DCDC2C: variants seen among roughly 807,000 people sequenced by gnomAD.
The protein encoded by DCDC2C is doublecortin domain containing 2C, also known as doublecortin domain-containing protein 2C.
DCDC2C carries 44 observed loss-of-function variants against 45.0 expected under a neutral mutation model. The ratio of observed to expected loss-of-function variants is 0.98; its 90% CI spans 0.77 to 1.26. The LOEUF is 1.26. Ranked by LOEUF, DCDC2C falls within the 50% of genes most tolerant of loss-of-function variation. DCDC2C has a pLI of 0.00. For missense variants in DCDC2C, 447 were observed against 468.9 expected (o/e 0.95, Z 0.43); for synonymous variants, 187 against 178.8 (o/e 1.05, Z -0.37).
At chr2:3,798,264 C>T (rs59255374) in intron 10 of DCDC2C, among the ~76,000 whole-genome samples, 56,775 of 151,534 alleles carry the variant, frequency 0.37, 11,493 homozygotes, top group East Asian at 0.52. Context: ...CTATGTGTGT[C>T]TCTGCACGTG....
intron 10 of DCDC2C, among the ~76,000 whole-genome samples, chr2:3,801,742 G>A (rs955475275): frequency 2.6e-5 from 4 of 152,198 alleles, no homozygotes; most frequent in African/African-American, 7.2e-5. Flanking sequence ...AGACTCCTCC[G>A]AGGCTGAGAT....
intron 10 of DCDC2C, among the ~76,000 whole-genome samples, chr2:3,842,722 G>T (rs1351632668): frequency 6.6e-6 from 1 of 151,902 alleles, no homozygotes; most frequent in African/African-American, 2.4e-5. Flanking sequence ...GCCTACTGTG[G>T]ATTGGAGGCT....
intron 10 of DCDC2C, among the ~76,000 whole-genome samples, chr2:3,808,171 A>G (rs1671301892): frequency 6.6e-6 from 1 of 152,180 alleles, no homozygotes; most frequent in South Asian, 2.1e-4. Context: ...GTTTCAGGTG[A>G]TCTGCAGCCT....
chr2:3,826,055 A>G (rs533386820), intron 10 of DCDC2C, among the ~76,000 whole-genome samples: 38 of 152,348 alleles, frequency 2.5e-4, no homozygotes, highest in African/African-American at 8.7e-4. Context: ...CACACCACAA[A>G]GAAAAAAGAT....
intron 3 of DCDC2C, among the ~76,000 whole-genome samples, chr2:3,733,306 C>A (rs357953): frequency 0.34 from 50,996 of 152,136 alleles, 8,972 homozygotes; most frequent in South Asian, 0.6. Context: ...CTTGGTCCAG[C>A]TAAAAGCTAA....
intron 6 of DCDC2C, among the ~76,000 whole-genome samples, chr2:3,756,719 G>A (rs1669727921): frequency 6.6e-6 from 1 of 152,202 alleles, no homozygotes; most frequent in South Asian, 2.1e-4. Context: ...TTTAAAAAAT[G>A]TTTTTCTGAA....
chr2:3,834,589 T>C (rs1672030744), intron 10 of DCDC2C, among the ~76,000 whole-genome samples: 2 of 152,200 alleles, frequency 1.3e-5, no homozygotes, highest in Non-Finnish European at 2.9e-5. Context: ...TCACTTGCAT[T>C]GCACATGAGG....
chr2:3,720,401 T>C (rs7558456), intron 2 of DCDC2C, among the ~76,000 whole-genome samples: 52,017 of 152,076 alleles, frequency 0.34, 9,481 homozygotes, highest in African/African-American at 0.47. Context: ...GAGCCACATT[T>C]GGACACCTGC....
chr2:3,771,884 C>T (rs77074521), intron 8 of DCDC2C, among the ~76,000 whole-genome samples: 15,434 of 152,268 alleles, frequency 0.1, 1,070 homozygotes, highest in East Asian at 0.3. Context: ...ATATCCGTGT[C>T]GTGAGAACTT....
chr2:3,735,635 G>A (rs1669003228), intron 3 of DCDC2C, among the ~76,000 whole-genome samples: 1 of 152,142 alleles, frequency 6.6e-6, no homozygotes, highest in African/African-American at 2.4e-5. Flanking sequence ...AGGCATAACG[G>A]TCCAGGAATA....
intron 10 of DCDC2C, among the ~76,000 whole-genome samples, chr2:3,831,805 C>G (rs55903821): frequency 0.086 from 13,152 of 152,248 alleles, 1,000 homozygotes; most frequent in East Asian, 0.43. Context: ...CTCCGCCTCT[C>G]TGAATGTTAT....
At chr2:3,819,875 G>T (rs1034386668) in intron 10 of DCDC2C, among the ~76,000 whole-genome samples, 1 of 152,194 alleles carries the variant, frequency 6.6e-6, no homozygotes, top group Non-Finnish European at 1.5e-5. Context: ...GCCAGACTGG[G>T]TGTGAGAAGG....
chr2:3,736,454 C>T (rs921461798), intron 3 of DCDC2C, among the ~76,000 whole-genome samples: 4 of 152,126 alleles, frequency 2.6e-5, no homozygotes, highest in African/African-American at 9.7e-5. Flanking sequence ...GGTGGAGTCC[C>T]CTTCAGGTTG....
In DCDC2C at chr2:3,767,750, G is replaced by T. The variant is rs200002347; in HGVS notation, c.727-4G>T. The T allele has an allele frequency of 2.2e-5, 34 of 1,550,386 alleles. No individual in the cohort carries two copies. The highest frequency in any genetic ancestry group is 2.7e-5 in the African/African-American group (2 of 72,974). On this transcript the variant is annotated splice_region_variant and splice_polypyrimidine_tract_variant and intron_variant, in intron 6 of 10. Transcript: ENST00000399143. ...GGACTTTCTCTTCTTCATTTGTCCT[G>T]TAGGTGGACTCCAAAGGAAAAGAAC...
At chr2:3,706,839 T>A (rs1228069880) in intron 1 of DCDC2C, among the ~76,000 whole-genome samples, 3 of 152,214 alleles carry the variant, frequency 2.0e-5, no homozygotes, top group Admixed American at 2.0e-4. Context: ...ACTGGTGGAA[T>A]TTAATCCTGG....
intron 10 of DCDC2C, among the ~76,000 whole-genome samples, chr2:3,829,616 A>C (rs1162205477): frequency 3.9e-5 from 6 of 152,186 alleles, no homozygotes; most frequent in Admixed American, 2.0e-4. Context: ...AGCCTGCTCC[A>C]AGCAAAATTA....
In DCDC2C at chr2:3,725,816, T is replaced by TG. The variant is rs1558565140; in HGVS notation, c.340-1186dup. On this transcript the variant is annotated intron_variant, in intron 2 of 10. Coordinates refer to ENST00000399143, the MANE Select transcript of DCDC2C (RefSeq NM_001287444.2). ...GGAGATGAGTAGAGAGTGATAAGGCTGCTCGGTGGATCCCAGAGGGAGATG... is the reference window on the plus strand; with the variant it reads ...GGAGATGAGTAGAGAGTGATAAGGCTGGCTCGGTGGATCCCAGAGGGAGATG... The TG allele has an allele frequency of 1.1e-3, 195 of 181,508 alleles. 2 individuals are homozygous for TG. Among genetic ancestry groups the TG allele is most frequent in the South Asian group, 1.5e-3 (14 of 9,318 alleles). 11.2% of individuals were successfully genotyped at this position (181,508 alleles called of 1,614,324 possible). A position where few individuals can be genotyped will look rare whatever the true frequency, so the allele number is the denominator to read the frequency against.
At chr2:3,813,065 ATATTTTTTTTT>A (rs1180571512) in intron 10 of DCDC2C, among the ~76,000 whole-genome samples, 22 of 28,810 alleles carry the variant, frequency 7.6e-4, no homozygotes, top group Middle Eastern at 0.022. Flanking sequence ...ATATATATAT[ATATTTTTTTTT>A]TTTTGCTGTT....
intron 10 of DCDC2C, among the ~76,000 whole-genome samples, chr2:3,815,694 G>T (rs949036423): frequency 6.6e-6 from 1 of 152,202 alleles, no homozygotes; most frequent in African/African-American, 2.4e-5. Context: ...ATTTGGGTAG[G>T]TAGTGGAAAA....
Sources: gnomAD v4.1 joint callset for allele counts (sites outside exome capture counted in the v4.1 genomes callset) on GRCh38, gnomAD v4.1.1 for gene constraint, MANE v1.5 for transcripts, NCBI Gene and HGNC (gene_info 2026-07-23, HGNC 2026-07-21) for gene names.